Variants in IL1RAPL1 observed in about 807,000 individuals in gnomAD.
IL1RAPL1 encodes interleukin 1 receptor accessory protein like 1, also known as interleukin-1 receptor accessory protein-like 1.
Under a neutral mutation model 48.4 loss-of-function variants are expected in IL1RAPL1, and 3 were observed. The ratio of observed to expected loss-of-function variants is 0.06; its 90% CI spans 0.03 to 0.16. The LOEUF is 0.16. Among genes scored for constraint, IL1RAPL1 ranks in the 10% least tolerant of loss-of-function variants. The pLI, the probability that IL1RAPL1 is intolerant of heterozygous loss-of-function variation, is 1.00. For synonymous variants in IL1RAPL1, 185 were observed against 187.7 expected (o/e 0.99, Z 0.12); for missense variants, 349 against 530.6 (o/e 0.66, Z 3.36).
intron 2 of IL1RAPL1, among the ~76,000 whole-genome samples, chrX:29,235,179 A>G (rs188486426): frequency 8.9e-6 from 1 of 112,312 alleles, no homozygotes; most frequent in African/African-American, 3.2e-5. Context: ...AGTCAGTCAC[A>G]TTGAACAATA....
intron 2 of IL1RAPL1, among the ~76,000 whole-genome samples, chrX:29,103,222 A>G (rs1928380556): frequency 8.9e-6 from 1 of 112,082 alleles, no homozygotes; most frequent in Non-Finnish European, 1.9e-5. Flanking sequence ...AGCCCACGTT[A>G]TGCTACAGGC....
chrX:29,728,572 CTT>C (rs1013124110), intron 6 of IL1RAPL1, among the ~76,000 whole-genome samples: 1 of 112,290 alleles, frequency 8.9e-6, no homozygotes, highest in African/African-American at 3.2e-5. Context: ...GCTTTACAGA[CTT>C]TATCTCACTG....
intron 2 of IL1RAPL1, among the ~76,000 whole-genome samples, chrX:28,943,052 G>A (rs898547902): frequency 1.8e-5 from 2 of 110,610 alleles, no homozygotes; most frequent in African/African-American, 6.5e-5. Flanking sequence ...AGGTTTGATC[G>A]TGTAGTATAG....
At chrX:28,852,087 A>G (rs1260444088) in intron 2 of IL1RAPL1, among the ~76,000 whole-genome samples, 2 of 111,927 alleles carry the variant, frequency 1.8e-5, no homozygotes, top group African/African-American at 6.5e-5. Flanking sequence ...GACCTTTGGA[A>G]TTGCCACAGC....
chrX:29,923,635 A>C (rs943698852), intron 8 of IL1RAPL1, among the ~76,000 whole-genome samples: 1 of 112,331 alleles, frequency 8.9e-6, no homozygotes, highest in African/African-American at 3.2e-5. Context: ...GTTATTGCTC[A>C]TACTTGATTG....
chrX:29,247,100 T>G lies in IL1RAPL1; in HGVS notation c.83-35838T>G, dbSNP rs183716362. Reference sequence around the variant, plus strand: ...TTGAAGTCATATATTCTGTTTTATGTGGAGCACACAAATTAGCTTTGCAAG... The same window carrying G: ...TTGAAGTCATATATTCTGTTTTATGGGGAGCACACAAATTAGCTTTGCAAG... On this transcript the variant is annotated intron_variant, in intron 2 of 10. Coordinates refer to ENST00000378993, the MANE Select transcript of IL1RAPL1 (RefSeq NM_014271.4). 2.1e-3 allele frequency among the ~76,000 whole-genome samples: 239 copies of G among 112,260 alleles called. 2 individuals are homozygous for G. Among genetic ancestry groups the G allele is most frequent in the African/African-American group, 7.4e-3 (228 of 30,968 alleles).
chrX:28,622,361 A>C (rs895106793), intron 1 of IL1RAPL1, among the ~76,000 whole-genome samples: 11 of 111,964 alleles, frequency 9.8e-5, no homozygotes, highest in Non-Finnish European at 2.1e-4. Flanking sequence ...CCAAATAAAA[A>C]AATGAAATGA....
chrX:29,455,293 A>G (rs1351406117), intron 5 of IL1RAPL1, among the ~76,000 whole-genome samples: 3 of 112,175 alleles, frequency 2.7e-5, no homozygotes, highest in Admixed American at 1.9e-4. Flanking sequence ...TTTCTTTTCA[A>G]TACATTTCTT....
chrX:29,105,140 A>G (rs188740380), intron 2 of IL1RAPL1, among the ~76,000 whole-genome samples: 106 of 111,802 alleles, frequency 9.5e-4, no homozygotes, highest in African/African-American at 1.4e-3. Flanking sequence ...TCTATTCTCT[A>G]TATAAAGGAA....
intron 5 of IL1RAPL1, among the ~76,000 whole-genome samples, chrX:29,615,997 A>G (rs895012864): frequency 1.9e-4 from 21 of 111,218 alleles, no homozygotes; most frequent in African/African-American, 6.9e-4. Context: ...GATGGGCATT[A>G]AAGGGACCCT....
At chrX:28,886,910 T>C (rs150747374) in intron 2 of IL1RAPL1, among the ~76,000 whole-genome samples, 1,795 of 111,626 alleles carry the variant, frequency 0.016, 33 homozygotes, top group African/African-American at 0.053. Flanking sequence ...ACAAAGCTCA[T>C]GGGACAAGGA....
chrX:28,673,765 A>G (rs1376513656), intron 1 of IL1RAPL1, among the ~76,000 whole-genome samples: 2 of 111,593 alleles, frequency 1.8e-5, no homozygotes, highest in Non-Finnish European at 3.8e-5. Context: ...GCCTGCAACA[A>G]TGTAGATCCT....
At position 29,200,077 on chromosome X, in the gene IL1RAPL1, A is replaced by G. The variant is rs140413377; in HGVS notation, c.83-82861A>G. Among the ~76,000 whole-genome samples, 242 of 111,720 alleles carry G rather than the reference A, an allele frequency of 2.2e-3. 1 individual carries two copies. The highest frequency in any genetic ancestry group is 7.6e-3 in the African/African-American group (234 of 30,791). On this transcript the variant is annotated intron_variant, in intron 2 of 10. Coordinates refer to ENST00000378993, the MANE Select transcript of IL1RAPL1 (RefSeq NM_014271.4). ...CTGATGGAAGTTTATAAGGCTATGT[A>G]TTAAATAAATAATGTTCTGGTTTTT...
intron 5 of IL1RAPL1, among the ~76,000 whole-genome samples, chrX:29,471,562 G>A (rs975318511): frequency 1.8e-5 from 2 of 111,410 alleles, no homozygotes; most frequent in African/African-American, 6.5e-5. Flanking sequence ...GCTATGACAC[G>A]GTGTTGCTGA....
chrX:28,961,141 G>A (rs184822101), intron 2 of IL1RAPL1, among the ~76,000 whole-genome samples: 287 of 109,273 alleles, frequency 2.6e-3, no homozygotes, highest in Middle Eastern at 9.9e-3. Context: ...TACTAGCTAC[G>A]GAAGGGTTTG....
intron 2 of IL1RAPL1, among the ~76,000 whole-genome samples, chrX:28,959,657 A>G (rs938836441): frequency 3.0e-4 from 33 of 111,800 alleles, no homozygotes; most frequent in African/African-American, 1.1e-3. Flanking sequence ...ATGTTTTCTT[A>G]CTGATTTGTA....
intron 1 of IL1RAPL1, among the ~76,000 whole-genome samples, chrX:28,781,840 T>G (rs754016912): frequency 9.0e-6 from 1 of 111,376 alleles, no homozygotes; most frequent in African/African-American, 3.3e-5. Flanking sequence ...TGTACTAATA[T>G]TCACTCCCAT....
intron 2 of IL1RAPL1, among the ~76,000 whole-genome samples, chrX:28,833,705 A>G (rs150784123): frequency 0.014 from 1,521 of 111,953 alleles, 15 homozygotes; most frequent in Non-Finnish European, 0.02. Flanking sequence ...CTAAGCTTTA[A>G]CTACCTTCTA....
intron 3 of IL1RAPL1, among the ~76,000 whole-genome samples, chrX:29,324,046 C>T (rs762739638): frequency 2.8e-5 from 3 of 108,133 alleles, no homozygotes; most frequent in Non-Finnish European, 5.7e-5. Flanking sequence ...TACATATACA[C>T]TTTCACTCAA....
Sources: gnomAD v4.1 joint callset for allele counts (sites outside exome capture counted in the v4.1 genomes callset) on GRCh38, gnomAD v4.1.1 for gene constraint, MANE v1.5 for transcripts, NCBI Gene and HGNC (gene_info 2026-07-23, HGNC 2026-07-21) for gene names.